The following NUP98 variants were observed in gnomAD, a reference collection of about 807,000 sequenced individuals.
NUP98 encodes nuclear pore complex protein Nup98-Nup96.
NUP98 carries 26 observed loss-of-function variants against 191.9 expected under a neutral mutation model. That is an observed-to-expected ratio of 0.14 (90% CI 0.10 to 0.19). The LOEUF (loss-of-function observed/expected upper bound fraction) is 0.19, where lower values mean the gene tolerates loss of function less well. Ranked by LOEUF, NUP98 falls within the 10% of genes least tolerant of loss-of-function variation. The pLI is 1.00. For missense variants in NUP98, 1,941 were observed against 2,178.8 expected (o/e 0.89, Z 2.17); for synonymous variants, 808 against 778.4 (o/e 1.04, Z -0.63).
chr11:3,797,527 G>C lies in NUP98; in HGVS notation c.-156C>G, dbSNP rs776800889. ...CACCCCTGCCACCGACCGCCGCTTC[G>C]GGCGCAGCGCGCAGAGGGCCCGACT... On this transcript the variant is annotated 5_prime_UTR_variant, in exon 1 of 33. Transcript: ENST00000324932. 7 of 439,902 alleles carry C rather than the reference G, an allele frequency of 1.6e-5. No individual in the cohort carries two copies. Among genetic ancestry groups the C allele is most frequent in the South Asian group, 5.3e-5 (1 of 18,982 alleles). 27.2% of individuals were successfully genotyped at this position (439,902 alleles called of 1,614,324 possible). A position where few individuals can be genotyped will look rare whatever the true frequency, so the allele number is the denominator to read the frequency against.
At chr11:3,778,434 C>T (rs2081832766) in intron 4 of NUP98, among the ~76,000 whole-genome samples, 1 of 152,124 alleles carries the variant, frequency 6.6e-6, no homozygotes, top group African/African-American at 2.4e-5. Flanking sequence ...GAGGAGTAAC[C>T]ATGTCACGTC....
intron 28 of NUP98, among the ~76,000 whole-genome samples, chr11:3,689,298 G>A (rs2078232070): frequency 1.3e-5 from 2 of 152,084 alleles, no homozygotes; most frequent in Non-Finnish European, 2.9e-5. Flanking sequence ...AGGCTGAGGT[G>A]GGCAGATCAC....
chr11:3,756,300 T>G (rs1462073820), intron 10 of NUP98, among the ~76,000 whole-genome samples: 1 of 152,184 alleles, frequency 6.6e-6, no homozygotes, highest in African/African-American at 2.4e-5. Context: ...CCTCCGATTC[T>G]CACTGACAAG....
intron 28 of NUP98, among the ~76,000 whole-genome samples, chr11:3,688,409 A>T (rs1459344538): frequency 1.3e-5 from 2 of 150,818 alleles, no homozygotes; most frequent in African/African-American, 2.4e-5. Flanking sequence ...CCATCTCAAA[A>T]AATAATAATA....
At chr11:3,751,600 T>TA (rs1383436592) in intron 11 of NUP98, among the ~76,000 whole-genome samples, 1 of 152,156 alleles carries the variant, frequency 6.6e-6, no homozygotes, top group African/African-American at 2.4e-5. Flanking sequence ...GACTCATGCC[T>TA]ATATTCCCAG....
chr11:3,787,789 C>A (rs1415535983), intron 1 of NUP98, among the ~76,000 whole-genome samples: 1 of 151,996 alleles, frequency 6.6e-6, no homozygotes. Context: ...GTCAAGAGAT[C>A]GAGACCATCC....
At chr11:3,737,599 C>T (rs2080116726) in intron 12 of NUP98, among the ~76,000 whole-genome samples, 1 of 152,152 alleles carries the variant, frequency 6.6e-6, no homozygotes, top group Non-Finnish European at 1.5e-5. Flanking sequence ...TTCACTCTAG[C>T]CTAGGCGACA....
intron 14 of NUP98, among the ~76,000 whole-genome samples, chr11:3,727,927 T>C (rs189669908): frequency 1.8e-4 from 28 of 151,930 alleles, no homozygotes; most frequent in African/African-American, 6.5e-4. Flanking sequence ...GGAGGCCAAG[T>C]CAGAATAATC....
intron 18 of NUP98, among the ~76,000 whole-genome samples, chr11:3,715,993 TC>T (rs1298914691): frequency 4.8e-4 from 73 of 152,344 alleles, no homozygotes; most frequent in African/African-American, 1.7e-3. Context: ...GAACCCCTTA[TC>T]AAATATGATT....
At chr11:3,693,141 A>C in intron 27 of NUP98, 91 bp downstream of exon 27, 1 of 1,285,160 alleles carries the variant, frequency 7.8e-7, no homozygotes. Flanking sequence ...AGTAAAGGAT[A>C]GTTTCCCATC....
rs772518091 is a variant in NUP98 at position 3,720,756 on chromosome 11, T to C, written c.2216A>G (p.Glu739Gly). 9 of 1,602,476 alleles carry C rather than the reference T, an allele frequency of 5.6e-6. No homozygotes were observed. Among genetic ancestry groups the C allele is most frequent in the African/African-American group, 4.1e-5 (3 of 73,452 alleles). Residue 739 changes from glutamate to glycine, a missense_variant, in exon 17 of 33, where the codon GAA (glutamate) becomes GGA (glycine). Physicochemically the swap from Glu to Gly is moderately conservative, Grantham distance 98. This residue lies in a region of NUP98 where 453 missense variants were observed against 438.2 expected (regional missense o/e 1.03). Transcript: ENST00000324932. Reference protein sequence around the residue: ...SMDDLAKITNEKGECIVSDFT... With the variant: ...SMDDLAKITNGKGECIVSDFT... ...ATCAGAGACAATGCACTCTCCTTTT[T>C]CATTGGTAATTTTAGCAAGGTCATC...
At chr11:3,775,141 T>C (rs907125951) in intron 5 of NUP98, among the ~76,000 whole-genome samples, 5 of 152,164 alleles carry the variant, frequency 3.3e-5, no homozygotes, top group African/African-American at 1.2e-4. Flanking sequence ...TACAGCCCCA[T>C]TTAGCCATTT....
intron 28 of NUP98, among the ~76,000 whole-genome samples, chr11:3,689,516 G>C (rs1000068934): frequency 2.0e-5 from 3 of 151,856 alleles, no homozygotes; most frequent in Non-Finnish European, 4.4e-5. Context: ...AACTGAGCAA[G>C]AGAGTCTGTC....
At chr11:3,759,687 T>C (rs1472821679) in intron 10 of NUP98, among the ~76,000 whole-genome samples, 1 of 152,158 alleles carries the variant, frequency 6.6e-6, no homozygotes, top group Non-Finnish European at 1.5e-5. Context: ...GTTTTGAAAA[T>C]TATTGTTCAA....
intron 25 of NUP98, among the ~76,000 whole-genome samples, chr11:3,698,725 CAAAA>C (rs549214359): frequency 8.4e-5 from 3 of 35,752 alleles, no homozygotes; most frequent in African/African-American, 1.2e-4. Flanking sequence ...GAAACTGTCT[CAAAA>C]AAAAAAAAAA....
intron 10 of NUP98, among the ~76,000 whole-genome samples, chr11:3,756,674 G>A: frequency 6.6e-6 from 1 of 151,840 alleles, no homozygotes; most frequent in East Asian, 1.9e-4. Flanking sequence ...TGCCAGCCTC[G>A]GTCTCCCAAA....
chr11:3,749,381 T>C (rs977966948), intron 11 of NUP98, among the ~76,000 whole-genome samples: 3 of 152,086 alleles, frequency 2.0e-5, no homozygotes, highest in African/African-American at 7.2e-5. Flanking sequence ...TCCCAGCACT[T>C]TGGGAGGCCG....
At chr11:3,676,419 G>C in intron 32 of NUP98, 43 bp from the exon 33 acceptor site, 1 of 1,609,614 alleles carries the variant, frequency 6.2e-7, no homozygotes, top group Non-Finnish European at 8.5e-7. Context: ...ATGGGGTCTG[G>C]AGAAGGGTGG....
intron 15 of NUP98, among the ~76,000 whole-genome samples, chr11:3,724,367 C>T (rs1476653121): frequency 4.7e-5 from 7 of 150,308 alleles, no homozygotes; most frequent in African/African-American, 1.7e-4. Flanking sequence ...CAATTCACAT[C>T]AGAGGATACA....
Sources: gnomAD v4.1 joint callset for allele counts (sites outside exome capture counted in the v4.1 genomes callset) on GRCh38, gnomAD v4.1.1 for gene constraint, gnomAD v4.1.1 regional missense constraint, MANE v1.5 for transcripts, NCBI Gene and HGNC (gene_info 2026-07-23, HGNC 2026-07-21) for gene names.